ITGAV: variants seen among roughly 807,000 people sequenced by gnomAD.
ITGAV encodes the protein integrin alpha-V.
In ITGAV, 76 loss-of-function variants were observed where a neutral mutation model predicts 143.8. That is an observed-to-expected ratio of 0.53 (90% CI 0.44 to 0.64). The LOEUF is 0.64. ITGAV is among the 30% of genes least tolerant of loss of function. The pLI, the probability that ITGAV is intolerant of heterozygous loss-of-function variation, is 0.00. For synonymous variants in ITGAV, 453 were observed against 446.7 expected (o/e 1.01, Z -0.18); for missense variants, 1,193 against 1,274.7 (o/e 0.94, Z 0.98).
intron 25 of ITGAV, 139 bp from the exon 26 acceptor site, chr2:186,669,562 A>G (rs1335127937): frequency 1.6e-6 from 1 of 642,124 alleles, no homozygotes; most frequent in Non-Finnish European, 2.7e-6. Context: ...TGCTCACTAT[A>G]TACTGAGTGG....
At chr2:186,675,539 A>G in intron 26 of ITGAV, 65 bp from the exon 27 acceptor site, 1 of 1,289,956 alleles carries the variant, frequency 7.8e-7, no homozygotes, top group African/African-American at 1.5e-5. Context: ...AAAATGGCAA[A>G]TTTTCAAATG....
intron 13 of ITGAV, among the ~76,000 whole-genome samples, chr2:186,648,614 A>G (rs6753438): frequency 0.75 from 113,685 of 151,876 alleles, 42,829 homozygotes; most frequent in African/African-American, 0.85. Context: ...ACAGGCAGGC[A>G]CCACCACGCA....
In ITGAV at chr2:186,630,882, T is replaced by C. The variant is rs61763657; in HGVS notation, c.585+24T>C. On this transcript the variant is annotated intron_variant, in intron 5 of 29. Coordinates refer to ENST00000261023, the MANE Select transcript of ITGAV (RefSeq NM_002210.5). ...AAGTAAGTTCTTATTTAAGACTGAA[T>C]GAGATTCACATCTACCTTATTGACT... The C allele has an allele frequency of 4.0e-4, 524 of 1,325,780 alleles. 1 individual carries two copies. In the African/African-American group the frequency reaches 6.1e-3, roughly 15 times the overall value. 82.1% of individuals were successfully genotyped at this position (1,325,780 alleles called of 1,614,324 possible).
chr2:186,617,666 GAA>G (rs1481183529), intron 2 of ITGAV, among the ~76,000 whole-genome samples: 3 of 152,064 alleles, frequency 2.0e-5, no homozygotes, highest in African/African-American at 7.2e-5. Flanking sequence ...CTTTATTAGA[GAA>G]AGAGATTTAA....
At chr2:186,608,576 C>G (rs1240999808) in intron 2 of ITGAV, among the ~76,000 whole-genome samples, 1 of 152,090 alleles carries the variant, frequency 6.6e-6, no homozygotes, top group South Asian at 2.1e-4. Context: ...AGTCTTAGTG[C>G]ACTGAGTACA....
chr2:186,615,213 C>T (rs1021427790), intron 2 of ITGAV, among the ~76,000 whole-genome samples: 5 of 152,042 alleles, frequency 3.3e-5, no homozygotes, highest in Non-Finnish European at 5.9e-5. Flanking sequence ...AGTAGATGCA[C>T]ATTTGAGTGT....
chr2:186,636,474 G>A (rs1687949884), intron 7 of ITGAV, among the ~76,000 whole-genome samples: 1 of 152,118 alleles, frequency 6.6e-6, no homozygotes. Context: ...CATTGTTCAA[G>A]GTGACTTGGT....
chr2:186,648,684 T>C (rs1574489470), intron 13 of ITGAV, among the ~76,000 whole-genome samples: 1 of 151,952 alleles, frequency 6.6e-6, no homozygotes, highest in Non-Finnish European at 1.5e-5. Flanking sequence ...AGGCTGGTCT[T>C]GGTCAGGCTG....
intron 13 of ITGAV, among the ~76,000 whole-genome samples, chr2:186,648,999 TATAC>T (rs1688346906): frequency 1.3e-4 from 1 of 7,852 alleles, no homozygotes. Flanking sequence ...TGTGTATATA[TATAC>T]ACATTTGTGT....
chr2:186,666,956 T>G (rs940823978), intron 22 of ITGAV, among the ~76,000 whole-genome samples, 173 bp downstream of exon 22: 1 of 152,210 alleles, frequency 6.6e-6, no homozygotes. Flanking sequence ...AGATTTGAGT[T>G]TGTAAAACAA....
intron 4 of ITGAV, among the ~76,000 whole-genome samples, chr2:186,629,264 C>T (rs1687756984): frequency 1.3e-5 from 2 of 151,936 alleles, no homozygotes; most frequent in Admixed American, 6.6e-5. Flanking sequence ...TTAATATATA[C>T]CTGTTAAGAA....
At chr2:186,647,485 C>T (rs924476365) in intron 13 of ITGAV, among the ~76,000 whole-genome samples, 13 of 152,118 alleles carry the variant, frequency 8.5e-5, no homozygotes, top group African/African-American at 2.4e-4. Context: ...ATCCAACTGC[C>T]GTGGCCTCCC....
At chr2:186,622,662 C>T (rs1232532827) in intron 3 of ITGAV, among the ~76,000 whole-genome samples, 19 of 152,154 alleles carry the variant, frequency 1.2e-4, no homozygotes, top group African/African-American at 4.3e-4. Context: ...GTTTTACCTG[C>T]CCCACTTGAC....
At chr2:186,603,282 T>A (rs1328498850) in intron 2 of ITGAV, among the ~76,000 whole-genome samples, 1 of 152,208 alleles carries the variant, frequency 6.6e-6, no homozygotes, top group Non-Finnish European at 1.5e-5. Flanking sequence ...TAATCCTTTT[T>A]TCCATATTGT....
chr2:186,602,059 C>G lies in ITGAV; in HGVS notation c.224C>G (p.Thr75Ser). Residue 75 changes from threonine to serine, a missense_variant, in exon 2 of 30, where the codon ACC (threonine) becomes AGC (serine). Transcript: ENST00000261023. ...CTCGTGGGAGCTCCCAAAGCAAACA[C>G]CACCCAGCCTGGGATTGTGGAAGGA... ...FLLVGAPKAN[T>S]TQPGIVEGGQ... is the part of the protein sequence containing the mutation. The G allele has an allele frequency of 1.9e-6, 3 of 1,612,530 alleles. No homozygotes were observed. Among genetic ancestry groups the G allele is most frequent in the Non-Finnish European group, 2.5e-6 (3 of 1,179,132 alleles).
At position 186,656,297 on chromosome 2, in the gene ITGAV, C is replaced by T. The variant is rs1688581171; in HGVS notation, c.1615C>T (p.Arg539Ter). Residue 539 changes from arginine to a stop codon, truncating the protein, a stop_gained, in exon 17 of 30, where the codon CGA becomes TGA. Transcript: ENST00000261023. LOFTEE classifies it high-confidence loss of function. ...TAAACTCAAGCAAAAGGGAGCAATT[C>T]GACGAGCACTGTTTCTCTACAGCAG... ...LDKLKQKGAIRRALFLYSRSP... is the reference protein window; with the variant it reads ...LDKLKQKGAI The T allele has an allele frequency of 2.5e-6, 4 of 1,585,806 alleles. No individual in the cohort carries two copies. The highest frequency in any genetic ancestry group is 3.4e-6 in the Non-Finnish European group (4 of 1,170,064).
intron 1 of ITGAV, among the ~76,000 whole-genome samples, chr2:186,594,882 G>A (rs1686705324): frequency 6.6e-6 from 1 of 152,018 alleles, no homozygotes; most frequent in African/African-American, 2.4e-5. Context: ...GTATATTAGG[G>A]GACATAAAAC....
At chr2:186,652,126 T>G in intron 15 of ITGAV, 37 bp downstream of exon 15, 1 of 1,257,356 alleles carries the variant, frequency 8.0e-7, no homozygotes. Flanking sequence ...ATTATTGTGA[T>G]TATTGTTCAG....
chr2:186,611,539 G>A (rs931554594), intron 2 of ITGAV, among the ~76,000 whole-genome samples: 2 of 152,090 alleles, frequency 1.3e-5, no homozygotes, highest in African/African-American at 2.4e-5. Context: ...TATACTGCAA[G>A]CTATGCTGAG....
Sources: gnomAD v4.1 joint callset for allele counts (sites outside exome capture counted in the v4.1 genomes callset) on GRCh38, gnomAD v4.1.1 for gene constraint, MANE v1.5 for transcripts, NCBI Gene and HGNC (gene_info 2026-07-23, HGNC 2026-07-21) for gene names.